Variants in MATN2 observed in about 807,000 individuals in gnomAD.
MATN2 encodes matrilin 2, also known as matrilin-2.
Under a neutral mutation model 103.2 loss-of-function variants are expected in MATN2, and 69 were observed. The observed-to-expected ratio is 0.67, with a 90% confidence interval of 0.55 to 0.82. MATN2 has a LOEUF of 0.82. Ranked by LOEUF, MATN2 falls within the 40% of genes least tolerant of loss-of-function variation. The pLI is 0.00. For missense variants in MATN2, 1,023 were observed against 1,211.5 expected, an observed-to-expected ratio of 0.84 and a Z score of 2.31; for synonymous variants, 429 against 450.2, an observed-to-expected ratio of 0.95 and a Z score of 0.60.
At chr8:97,876,401 C>G (rs1818071303) in intron 1 of MATN2, among the ~76,000 whole-genome samples, 1 of 151,962 alleles carries the variant, frequency 6.6e-6, no homozygotes, top group South Asian at 2.1e-4. Context: ...GTTGGTCAGG[C>G]TGGTCTTGAA....
At chr8:98,010,076 G>T (rs1449360227) in intron 10 of MATN2, among the ~76,000 whole-genome samples, 1 of 152,176 alleles carries the variant, frequency 6.6e-6, no homozygotes, top group Non-Finnish European at 1.5e-5. Context: ...CCTTGATTTG[G>T]CAGAGTGCAG....
chr8:97,941,786 T>A lies in MATN2; in HGVS notation c.722T>A (p.Met241Lys). The change falls in exon 4 of 19, where the codon ATG becomes AAG. Residue 241 changes from methionine (M) to lysine (K), a missense_variant. Physicochemically the swap from Met to Lys is moderately conservative, Grantham distance 95. Coordinates refer to ENST00000254898, the MANE Select transcript of MATN2 (RefSeq NM_002380.5). ...VFQKKLCTAH[M>K]CSTLEHNCAH... The stretch of plus-strand genomic sequence containing the variant: ...GTGTCTTCCCTTTCAGCGGCCCATA[T>A]GTGCAGCACCCTGGAGCATAACTGT... 6.3e-7 allele frequency: 1 copy of A among 1,599,220 alleles called. No individual in the cohort carries two copies. The highest frequency in any genetic ancestry group is 8.5e-7 in the Non-Finnish European group (1 of 1,172,852).
At chr8:97,890,210 C>T (rs1442290764) in intron 2 of MATN2, among the ~76,000 whole-genome samples, 1 of 152,028 alleles carries the variant, frequency 6.6e-6, no homozygotes, top group Non-Finnish European at 1.5e-5. Context: ...CTCACACCTG[C>T]AATCCCAGCA....
In MATN2 at chr8:98,001,748, GATTA is replaced by G. The variant is rs1324853466; in HGVS notation, c.1205-1912_1205-1909del. ...CCACCTTGGCCTTCCAAAGTGCTGG[GATTA>G]CAGGCATGAGCCACTGTGCCTGGCC... On this transcript the variant is annotated intron_variant, in intron 7 of 18. Coordinates refer to ENST00000254898, the MANE Select transcript of MATN2 (RefSeq NM_002380.5). Among the ~76,000 whole-genome samples, 552 of 152,260 alleles carry G rather than the reference GATTA, an allele frequency of 3.6e-3. 5 individuals carry two copies. Among genetic ancestry groups the G allele is most frequent in the African/African-American group, 0.012 (519 of 41,558 alleles).
intron 10 of MATN2, among the ~76,000 whole-genome samples, chr8:98,009,430 A>C (rs1276239496): frequency 6.6e-6 from 1 of 152,232 alleles, no homozygotes; most frequent in Non-Finnish European, 1.5e-5. Context: ...GGCCTGGCTC[A>C]GCAGATAAGA....
intron 2 of MATN2, among the ~76,000 whole-genome samples, chr8:97,921,770 T>A (rs906369322): frequency 1.3e-5 from 2 of 152,266 alleles, no homozygotes; most frequent in South Asian, 4.2e-4. Context: ...CGCACGGTCG[T>A]CTTTGCTCTC....
intron 12 of MATN2, among the ~76,000 whole-genome samples, chr8:98,020,232 A>G (rs1198959747): frequency 4.0e-5 from 6 of 151,804 alleles, no homozygotes; most frequent in Admixed American, 3.9e-4. Flanking sequence ...TGTAATCTCC[A>G]CCTCCTGGGC....
At chr8:97,929,097 A>G (rs913819698) in intron 2 of MATN2, among the ~76,000 whole-genome samples, 2 of 152,058 alleles carry the variant, frequency 1.3e-5, no homozygotes. Context: ...ATGCATGGGT[A>G]TGTCAGAACG....
intron 7 of MATN2, among the ~76,000 whole-genome samples, chr8:97,996,733 G>T (rs1463295298): frequency 6.6e-6 from 1 of 152,148 alleles, no homozygotes; most frequent in African/African-American, 2.4e-5. Context: ...AGTGCTCACT[G>T]TCTCTCTGGA....
At position 97,871,147 on chromosome 8, in the gene MATN2, T is replaced by C. The variant is rs564037846; in HGVS notation, c.-27+1860T>C. On this transcript the variant is annotated intron_variant, in intron 1 of 18. Transcript: ENST00000254898. ...CTTATCAGCGAGTGCCATATGTCCT[T>C]GTTTAGCAAAAGGTAGTTAAAAGTG... Among the ~76,000 whole-genome samples, 6 of 152,304 alleles carry C rather than the reference T, an allele frequency of 3.9e-5. No homozygotes were observed. In the East Asian group the frequency reaches 5.8e-4, roughly 15 times the overall value.
intron 8 of MATN2, chr8:98,004,346 A>C: frequency 6.3e-6 from 1 of 157,860 alleles, no homozygotes; most frequent in Admixed American, 5.9e-5. Context: ...AGGCATAAGC[A>C]CTCAATAAAT....
chr8:97,919,091 A>G (rs1010087255), intron 2 of MATN2, among the ~76,000 whole-genome samples: 1 of 152,198 alleles, frequency 6.6e-6, no homozygotes, highest in African/African-American at 2.4e-5. Flanking sequence ...AGATGGCAGG[A>G]CATCAGAATG....
In MATN2 at chr8:98,027,786, T is replaced by C; in HGVS notation, c.2313T>C (p.Ala771=). ...CCATTGTGTTCACCGACGGACGGGC[T>C]CAGGATGACGTCTCCGAGTGGGCCA... ...RAAIVFTDGR[A]QDDVSEWASK... is the part of the protein sequence containing the mutation. Residue 771 remains alanine (A), a synonymous_variant, in exon 14 of 19, where the codon GCT becomes GCC. Transcript: ENST00000254898. 1.3e-6 allele frequency: 2 copies of C among 1,599,874 alleles called. No individual in the cohort carries two copies. The highest frequency in any genetic ancestry group is 1.7e-6 in the Non-Finnish European group (2 of 1,173,750).
At chr8:97,977,566 T>C (rs1400885922) in intron 5 of MATN2, among the ~76,000 whole-genome samples, 1 of 152,058 alleles carries the variant, frequency 6.6e-6, no homozygotes, top group Non-Finnish European at 1.5e-5. Context: ...CCACCCTTCC[T>C]CCCTGGGATT....
chr8:97,995,384 A>AT (rs932644901), intron 7 of MATN2, among the ~76,000 whole-genome samples: 106 of 150,212 alleles, frequency 7.1e-4, no homozygotes, highest in African/African-American at 2.4e-3. Context: ...AATTGAAGCT[A>AT]TTTTTTTTTT....
At chr8:97,978,834 C>T in intron 5 of MATN2, 52 bp from the exon 6 acceptor site, 2 of 1,589,970 alleles carry the variant, frequency 1.3e-6, no homozygotes, top group Non-Finnish European at 8.6e-7. Context: ...TCCTACCATT[C>T]CCTTTTCCTC....
chr8:97,923,792 A>G (rs2444900), intron 2 of MATN2, among the ~76,000 whole-genome samples: 104,635 of 152,006 alleles, frequency 0.69, 36,776 homozygotes, highest in East Asian at 0.94. Flanking sequence ...CCTAACCTCA[A>G]GTGATCCAAC....
intron 2 of MATN2, among the ~76,000 whole-genome samples, chr8:97,889,625 G>T (rs1818564873): frequency 6.6e-6 from 1 of 151,772 alleles, no homozygotes; most frequent in African/African-American, 2.4e-5. Flanking sequence ...TGTATTTTTA[G>T]TAGAGATGGG....
At chr8:97,902,017 AACATGT>A (rs1818998597) in intron 2 of MATN2, among the ~76,000 whole-genome samples, 1 of 151,896 alleles carries the variant, frequency 6.6e-6, no homozygotes, top group East Asian at 1.9e-4. Context: ...TTTAATAGGG[AACATGT>A]ATTTTATAAA....
Sources: gnomAD v4.1 joint callset for allele counts (sites outside exome capture counted in the v4.1 genomes callset) on GRCh38, gnomAD v4.1.1 for gene constraint, MANE v1.5 for transcripts, NCBI Gene and HGNC (gene_info 2026-07-23, HGNC 2026-07-21) for gene names.